UNC5C: variants seen among roughly 807,000 people sequenced by gnomAD.
UNC5C encodes the protein unc-5 netrin receptor C.
UNC5C carries 47 observed loss-of-function variants against 99.8 expected under a neutral mutation model. The observed-to-expected ratio is 0.47, with a 90% CI of 0.37 to 0.60. The LOEUF is 0.60. UNC5C is among the 20% of genes least tolerant of loss of function. UNC5C has a pLI of 0.00. For synonymous variants in UNC5C, 487 were observed against 452.2 expected (o/e 1.08, Z -0.98); for missense variants, 1,062 against 1,165.9 (o/e 0.91, Z 1.30).
intron 1 of UNC5C, among the ~76,000 whole-genome samples, chr4:95,464,955 C>T (rs897432332): frequency 3.9e-5 from 6 of 152,094 alleles, no homozygotes; most frequent in Admixed American, 6.5e-5. Flanking sequence ...AAATAAAATA[C>T]GACAAGTGGG....
intron 4 of UNC5C, among the ~76,000 whole-genome samples, chr4:95,268,729 A>G (rs1010624320): frequency 2.0e-5 from 3 of 152,198 alleles, no homozygotes; most frequent in Non-Finnish European, 4.4e-5. Context: ...GCCACATGCC[A>G]CCCAACATGA....
chr4:95,330,200 ACT>A (rs1174560109), intron 2 of UNC5C, among the ~76,000 whole-genome samples: 2 of 151,756 alleles, frequency 1.3e-5, no homozygotes, highest in Non-Finnish European at 2.9e-5. Context: ...CTAAGATCAA[ACT>A]CTTTTAACTT....
At chr4:95,537,541 CT>C (rs1365540222) in intron 1 of UNC5C, among the ~76,000 whole-genome samples, 1 of 152,090 alleles carries the variant, frequency 6.6e-6, no homozygotes, top group African/African-American at 2.4e-5. Flanking sequence ...GTTAGGACGA[CT>C]TACTAATGAA....
At chr4:95,242,167 C>A (rs1201676188) in intron 7 of UNC5C, among the ~76,000 whole-genome samples, 1 of 152,070 alleles carries the variant, frequency 6.6e-6, no homozygotes, top group Non-Finnish European at 1.5e-5. Context: ...GTAATGGTTC[C>A]CTTCCATATA....
At chr4:95,523,507 G>A (rs978929150) in intron 1 of UNC5C, among the ~76,000 whole-genome samples, 2 of 152,136 alleles carry the variant, frequency 1.3e-5, no homozygotes, top group Admixed American at 6.5e-5. Context: ...GGAATGAAAC[G>A]TGTCTATGCA....
At chr4:95,258,699 G>C (rs1382017236) in intron 4 of UNC5C, among the ~76,000 whole-genome samples, 1 of 140,778 alleles carries the variant, frequency 7.1e-6, no homozygotes, top group Non-Finnish European at 1.5e-5. Context: ...CTATTCTGCT[G>C]TTGTTTGGTG....
intron 1 of UNC5C, among the ~76,000 whole-genome samples, chr4:95,474,437 C>A (rs534834863): frequency 6.6e-6 from 1 of 152,088 alleles, no homozygotes; most frequent in African/African-American, 2.4e-5. Flanking sequence ...ATTACAGGCG[C>A]CTGCCAGCAC....
chr4:95,480,649 G>T (rs1393337391), intron 1 of UNC5C, among the ~76,000 whole-genome samples: 1 of 152,034 alleles, frequency 6.6e-6, no homozygotes, highest in Non-Finnish European at 1.5e-5. Context: ...ACATCAAAAA[G>T]CTTATCCACC....
intron 7 of UNC5C, among the ~76,000 whole-genome samples, chr4:95,239,646 T>C (rs1307608151): frequency 6.6e-6 from 1 of 152,190 alleles, no homozygotes; most frequent in Non-Finnish European, 1.5e-5. Flanking sequence ...ATTTCTTTCT[T>C]TTGGACCACG....
intron 1 of UNC5C, among the ~76,000 whole-genome samples, chr4:95,437,710 G>T (rs774707087): frequency 1.3e-5 from 2 of 151,990 alleles, no homozygotes; most frequent in African/African-American, 4.8e-5. Flanking sequence ...AATTACCTGG[G>T]CCCTATTATT....
At chr4:95,512,165 C>T (rs189361967) in intron 1 of UNC5C, among the ~76,000 whole-genome samples, 143 of 151,834 alleles carry the variant, frequency 9.4e-4, no homozygotes, top group African/African-American at 3.0e-3. Flanking sequence ...TTTAAGTTGG[C>T]GATAGGAAAC....
At chr4:95,538,441 C>T (rs185766759) in intron 1 of UNC5C, among the ~76,000 whole-genome samples, 54 of 152,244 alleles carry the variant, frequency 3.5e-4, no homozygotes, top group African/African-American at 8.2e-4. Flanking sequence ...CTCTGGAGTC[C>T]GCTGTTATCT....
At chr4:95,462,001 T>A (rs1329823680) in intron 1 of UNC5C, among the ~76,000 whole-genome samples, 1 of 152,232 alleles carries the variant, frequency 6.6e-6, no homozygotes, top group East Asian at 1.9e-4. Flanking sequence ...TTTTAGTGAT[T>A]CCCACAATCC....
intron 1 of UNC5C, among the ~76,000 whole-genome samples, chr4:95,402,745 C>T (rs1241355456): frequency 1.3e-5 from 2 of 152,186 alleles, no homozygotes; most frequent in Non-Finnish European, 2.9e-5. Context: ...TTAGCCCATG[C>T]CATTTCTCTA....
At chr4:95,522,269 C>T (rs891612333) in intron 1 of UNC5C, among the ~76,000 whole-genome samples, 9 of 152,026 alleles carry the variant, frequency 5.9e-5, no homozygotes, top group African/African-American at 2.2e-4. Context: ...ATAAAATCCT[C>T]AATTGTTCAT....
intron 12 of UNC5C, among the ~76,000 whole-genome samples, chr4:95,186,204 C>T (rs1360054510): frequency 1.3e-5 from 2 of 152,066 alleles, no homozygotes; most frequent in African/African-American, 2.4e-5. Flanking sequence ...AAATTTGTGA[C>T]CCATTTTAAA....
At chr4:95,333,313 A>C (rs1438645533) in intron 2 of UNC5C, among the ~76,000 whole-genome samples, 1 of 152,212 alleles carries the variant, frequency 6.6e-6, no homozygotes, top group African/African-American at 2.4e-5. Context: ...AAAGACTTGG[A>C]ACCAACCCAA....
chr4:95,369,175 G>A (rs1025907163), intron 1 of UNC5C, among the ~76,000 whole-genome samples: 1 of 128,860 alleles, frequency 7.8e-6, no homozygotes, highest in African/African-American at 3.2e-5. Flanking sequence ...GTATTTTTAT[G>A]TATACTTTCT....
chr4:95,325,871 C>G (rs1742864459), intron 2 of UNC5C, among the ~76,000 whole-genome samples: 1 of 152,140 alleles, frequency 6.6e-6, no homozygotes, highest in African/African-American at 2.4e-5. Flanking sequence ...AATGCACATA[C>G]AGCTGACACT....
Sources: gnomAD v4.1 joint callset for allele counts (sites outside exome capture counted in the v4.1 genomes callset) on GRCh38, gnomAD v4.1.1 for gene constraint, MANE v1.5 for transcripts, NCBI Gene and HGNC (gene_info 2026-07-23, HGNC 2026-07-21) for gene names.